Variants in GABRG3 observed in about 807,000 individuals in gnomAD.
GABRG3 encodes gamma-aminobutyric acid receptor subunit gamma-3.
GABRG3 carries 25 observed loss-of-function variants against 48.8 expected under a neutral mutation model. That is an observed-to-expected ratio of 0.51 (90% CI 0.37 to 0.72). The LOEUF is 0.72. Ranked by LOEUF, GABRG3 falls within the 30% of genes least tolerant of loss-of-function variation. The pLI is 0.00. For missense variants in GABRG3, 394 were observed against 577.9 expected (o/e 0.68, Z 3.26); for synonymous variants, 227 against 217.6 (o/e 1.04, Z -0.38).
chr15:27,480,862 T>C lies in GABRG3; in HGVS notation c.712+75T>C, dbSNP rs1461906752. ...AGGCCATATGTAGTCATATCCTTAA[T>C]GTACAAGCCTTTTGGGCAACCATGA... On this transcript the variant is annotated intron_variant, in intron 6 of 9. Coordinates refer to ENST00000615808, the MANE Select transcript of GABRG3 (RefSeq NM_033223.5). The C allele has an allele frequency of 5.8e-6, 9 of 1,541,988 alleles. No individual in the cohort carries two copies. The Admixed American group carries it at 8.6e-5, about 15-fold the overall frequency.
intron 3 of GABRG3, among the ~76,000 whole-genome samples, chr15:27,293,449 G>A (rs1341965161): frequency 7.4e-6 from 1 of 135,608 alleles, no homozygotes; most frequent in Non-Finnish European, 1.5e-5. Context: ...AGCACTTTGA[G>A]GGATCACTTG....
At chr15:27,524,555 T>A (rs1345032572) in intron 7 of GABRG3, among the ~76,000 whole-genome samples, 1 of 152,096 alleles carries the variant, frequency 6.6e-6, no homozygotes, top group Non-Finnish European at 1.5e-5. Flanking sequence ...ATTACTAAAC[T>A]AATTAAAGGA....
At chr15:27,220,098 T>C (rs542058823) in intron 3 of GABRG3, among the ~76,000 whole-genome samples, 2 of 152,274 alleles carry the variant, frequency 1.3e-5, no homozygotes, top group African/African-American at 4.8e-5. Flanking sequence ...AGCTCACACC[T>C]AACCTGACCT....
At chr15:27,064,410 T>C (rs1392108650) in intron 3 of GABRG3, among the ~76,000 whole-genome samples, 11 of 152,206 alleles carry the variant, frequency 7.2e-5, no homozygotes, top group Non-Finnish European at 7.4e-5. Flanking sequence ...TTCTGACCCT[T>C]CTCTTCGTCC....
chr15:27,019,812 T>C (rs1302393171), intron 2 of GABRG3, among the ~76,000 whole-genome samples: 2 of 152,186 alleles, frequency 1.3e-5, no homozygotes, highest in Non-Finnish European at 2.9e-5. Context: ...GTTGGGGGCA[T>C]GAGAGTTAAT....
At chr15:27,187,180 G>C (rs1167166455) in intron 3 of GABRG3, among the ~76,000 whole-genome samples, 1 of 152,136 alleles carries the variant, frequency 6.6e-6, no homozygotes, top group Non-Finnish European at 1.5e-5. Context: ...ATTGAATAGA[G>C]AGTCCTTTTT....
At chr15:27,203,534 T>A (rs899419949) in intron 3 of GABRG3, among the ~76,000 whole-genome samples, 20 of 152,174 alleles carry the variant, frequency 1.3e-4, no homozygotes, top group Admixed American at 6.5e-4. Context: ...GTAGAATGAT[T>A]TATTTTGTCT....
chr15:27,538,363 A>G lies in GABRG3; in HGVS notation c.*5482A>G, dbSNP rs550829383. 1 of 152,384 alleles carries G rather than the reference A, an allele frequency of 6.6e-6. No homozygotes were observed. Among genetic ancestry groups the G allele is most frequent in the South Asian group, 2.1e-4 (1 of 4,830 alleles). The allele number at this position is 152,384 out of a possible 1,614,324, so 9.4% of individuals were successfully genotyped here. ...GGCTTTTCAGATTAGGTTATTCAAG[A>G]GCATGAGCTAGAAAATAATTAGGCA... On this transcript the variant is annotated 3_prime_UTR_variant, in exon 10 of 10. Coordinates refer to ENST00000615808, the MANE Select transcript of GABRG3 (RefSeq NM_033223.5).
At position 27,057,529 on chromosome 15, in the gene GABRG3, T is replaced by C. The variant is rs1213518236; in HGVS notation, c.270+30708T>C. Among the ~76,000 whole-genome samples, 10 of 152,272 alleles carry C rather than the reference T, an allele frequency of 6.6e-5. No homozygotes were observed. The East Asian group carries it at 1.7e-3, about 27-fold the overall frequency. ...GGTCTGCTCAGTTTCCTGTGCCTTA[T>C]ACATCTACGGGGCTGCACGATCCTA... is the stretch of plus-strand genomic sequence containing the variant. On this transcript the variant is annotated intron_variant, in intron 3 of 9. Coordinates refer to ENST00000615808, the MANE Select transcript of GABRG3 (RefSeq NM_033223.5).
chr15:27,473,127 AAAATATAATTAGATATTTTTCTT>A (rs1889835832), intron 5 of GABRG3, among the ~76,000 whole-genome samples: 1 of 152,236 alleles, frequency 6.6e-6, no homozygotes, highest in African/African-American at 2.4e-5. Flanking sequence ...TCACTATATA[AAAATATAATTAGATATTTTTCTT>A]GCATTTCCTA....
chr15:27,261,819 A>G lies in GABRG3; in HGVS notation c.271-64990A>G, dbSNP rs187482518. On this transcript the variant is annotated intron_variant, in intron 3 of 9. Transcript: ENST00000615808. ...GATGCTTTTACATTGTTACACTTCT[A>G]TTAGAATAAAAATGCCTCCACTCTC... 7.2e-5 allele frequency among the ~76,000 whole-genome samples: 11 copies of G among 152,262 alleles called. 1 individual carries two copies. The highest frequency in any genetic ancestry group is 7.2e-4 in the Admixed American group (11 of 15,292).
intron 6 of GABRG3, among the ~76,000 whole-genome samples, chr15:27,483,868 G>A (rs905576400): frequency 1.3e-5 from 2 of 152,172 alleles, no homozygotes; most frequent in Admixed American, 6.5e-5. Context: ...TATTCTCCAA[G>A]GACAATTGCA....
At chr15:27,506,710 A>C (rs1890768557) in intron 6 of GABRG3, among the ~76,000 whole-genome samples, 1 of 152,234 alleles carries the variant, frequency 6.6e-6, no homozygotes, top group Non-Finnish European at 1.5e-5. Flanking sequence ...TTAAAACACT[A>C]CATCTGCAAT....
At chr15:27,171,045 G>A (rs1388431319) in intron 3 of GABRG3, among the ~76,000 whole-genome samples, 3 of 152,200 alleles carry the variant, frequency 2.0e-5, no homozygotes, top group Non-Finnish European at 2.9e-5. Flanking sequence ...AGGGAGCGGG[G>A]CACTGTCTGG....
chr15:27,206,572 A>G (rs1453482691), intron 3 of GABRG3, among the ~76,000 whole-genome samples: 2 of 152,050 alleles, frequency 1.3e-5, no homozygotes, highest in East Asian at 3.9e-4. Flanking sequence ...GGTCCATTTG[A>G]TCAAGTGTCG....
chr15:27,306,417 C>A (rs1441637497), intron 3 of GABRG3, among the ~76,000 whole-genome samples: 1 of 137,906 alleles, frequency 7.3e-6, no homozygotes, highest in East Asian at 2.3e-4. Flanking sequence ...ATAAACATGT[C>A]TACATGTAAA....
rs571681173 is a variant in GABRG3 at position 27,404,226 on chromosome 15, A to G, written c.574+75338A>G. On this transcript the variant is annotated intron_variant, in intron 5 of 9. Transcript: ENST00000615808. ...ACAGAGGGAGACTCCGTCTGAAGAAAAAACCTATCAGGCCTCCTACCCCAG... is the reference window on the plus strand; with the variant it reads ...ACAGAGGGAGACTCCGTCTGAAGAAGAAACCTATCAGGCCTCCTACCCCAG... Among the ~76,000 whole-genome samples, 3 of 152,288 alleles carry G rather than the reference A, an allele frequency of 2.0e-5. No individual in the cohort carries two copies. The East Asian group carries it at 5.8e-4, about 30-fold the overall frequency.
chr15:27,160,990 A>G (rs1298251742), intron 3 of GABRG3: 5 of 151,582 alleles, frequency 3.3e-5, no homozygotes, highest in African/African-American at 1.2e-4. Context: ...AAATGCTGGG[A>G]GCCTGTCAAG....
intron 3 of GABRG3, among the ~76,000 whole-genome samples, chr15:27,075,303 T>A (rs866682695): frequency 6.6e-5 from 10 of 152,334 alleles, no homozygotes; most frequent in African/African-American, 2.4e-4. Context: ...AACAAAGACA[T>A]TTTATTTGCA....
Sources: allele counts gnomAD v4.1 joint callset (sites outside exome capture counted in the v4.1 genomes callset), GRCh38; gene constraint gnomAD v4.1.1; transcripts MANE v1.5; gene names NCBI Gene and HGNC (gene_info 2026-07-23, HGNC 2026-07-21).